The following ETFA variants were observed in gnomAD, a reference collection of about 807,000 sequenced individuals.
The protein encoded by ETFA is electron transfer flavoprotein subunit alpha, mitochondrial.
ETFA carries 22 observed loss-of-function variants against 46.2 expected under a neutral mutation model. The observed-to-expected ratio is 0.48, with a 90% CI of 0.34 to 0.68. The LOEUF (loss-of-function observed/expected upper bound fraction) is 0.68, where lower values mean the gene tolerates loss of function less well. ETFA is among the 30% of genes least tolerant of loss of function. The probability of loss-of-function intolerance (pLI) is 0.01; values close to 1 mark genes in which losing one functional copy is unlikely to be tolerated. For synonymous variants in ETFA, 131 were observed against 139.9 expected, an observed-to-expected ratio of 0.94 and a Z score of 0.45; for missense variants, 345 against 401.1, an observed-to-expected ratio of 0.86 and a Z score of 1.19.
chr15:76,266,802 G>A (rs1208768973), intron 9 of ETFA, among the ~76,000 whole-genome samples: 1 of 152,082 alleles, frequency 6.6e-6, no homozygotes, highest in Non-Finnish European at 1.5e-5. Context: ...TACTCAGGAG[G>A]CTGAGGCAAC....
At chr15:76,237,542 C>T (rs779175317) in intron 9 of ETFA, among the ~76,000 whole-genome samples, 6 of 152,182 alleles carry the variant, frequency 3.9e-5, no homozygotes, top group Admixed American at 1.3e-4. Flanking sequence ...TACCAATCTG[C>T]ATTCTTGAGC....
chr15:76,249,335 T>C (rs958245532), intron 9 of ETFA, among the ~76,000 whole-genome samples: 2 of 151,704 alleles, frequency 1.3e-5, no homozygotes, highest in Non-Finnish European at 2.9e-5. Flanking sequence ...TCCGTGTTGG[T>C]CAGGCTGCTC....
At chr15:76,277,376 C>T (rs2039603383) in intron 8 of ETFA, among the ~76,000 whole-genome samples, 1 of 152,136 alleles carries the variant, frequency 6.6e-6, no homozygotes, top group South Asian at 2.1e-4. Context: ...TTTCCCGTCC[C>T]CTTGTCGGAA....
chr15:76,246,288 TCA>T (rs1567202096), intron 9 of ETFA, among the ~76,000 whole-genome samples: 1 of 152,198 alleles, frequency 6.6e-6, no homozygotes, highest in African/African-American at 2.4e-5. Flanking sequence ...TTGTCCAAAG[TCA>T]CACAGCCAGC....
At chr15:76,225,040 T>A (rs1337547093) in intron 11 of ETFA, among the ~76,000 whole-genome samples, 1 of 152,000 alleles carries the variant, frequency 6.6e-6, no homozygotes, top group African/African-American at 2.4e-5. Flanking sequence ...ACTCGTCAGC[T>A]AAGGAAGGCC....
Position 76,215,731 on chromosome 15 carries a change from G to C in ETFA, c.*828C>G, listed in dbSNP as rs1437046550. ...TGCCAGAGGTGACTACACAGGCCTG[G>C]GTGCTTCCTAAGAGAGCCCAAAAGA... On this transcript the variant is annotated 3_prime_UTR_variant, in exon 12 of 12. Coordinates refer to ENST00000557943, the MANE Select transcript of ETFA (RefSeq NM_000126.4). 1 of 152,144 alleles carries C rather than the reference G, an allele frequency of 6.6e-6. No homozygotes were observed. Among genetic ancestry groups the C allele is most frequent in the Non-Finnish European group, 1.5e-5 (1 of 68,112 alleles). The allele number at this position is 152,144 out of a possible 1,614,324, so 9.4% of individuals were successfully genotyped here.
intron 10 of ETFA, among the ~76,000 whole-genome samples, chr15:76,226,989 G>A (rs1596188911): frequency 6.6e-6 from 1 of 152,188 alleles, no homozygotes; most frequent in Admixed American, 6.5e-5. Context: ...GTTAGTAAGG[G>A]ACGTTAAACA....
rs1183325320 is a variant in ETFA at position 76,288,081 on chromosome 15, G to A, written c.352-136C>T. On this transcript the variant is annotated intron_variant, in intron 4 of 11. Transcript: ENST00000557943. ...TATTTTATATTTCGTGTGCACCTTT[G>A]GATACACAACTTCAAGCACAGCTTT... The A allele has an allele frequency of 1.5e-5, 10 of 666,486 alleles. 1 individual carries two copies. The highest frequency in any genetic ancestry group is 4.8e-5 in the South Asian group (3 of 61,980). The allele number at this position is 666,486 out of a possible 1,614,324, so 41.3% of individuals were successfully genotyped here.
chr15:76,306,302 A>C (rs2456061), intron 1 of ETFA, among the ~76,000 whole-genome samples: 1 of 140,236 alleles, frequency 7.1e-6, no homozygotes, highest in Non-Finnish European at 1.5e-5. Flanking sequence ...AGTCTCGCTC[A>C]GTCGCCCAGA....
chr15:76,291,631 TC>T (rs2039764124), intron 4 of ETFA, among the ~76,000 whole-genome samples: 1 of 147,640 alleles, frequency 6.8e-6, no homozygotes, highest in Non-Finnish European at 1.5e-5. Context: ...GCGCCTGTAG[TC>T]CCAGCTACTC....
At chr15:76,279,410 G>A (rs1459639581) in intron 8 of ETFA, among the ~76,000 whole-genome samples, 3 of 152,064 alleles carry the variant, frequency 2.0e-5, no homozygotes, top group Non-Finnish European at 4.4e-5. Flanking sequence ...CCAAGCAGCT[G>A]GGACCACAGG....
At chr15:76,228,751 CTTTTTTT>C (rs990306452) in intron 10 of ETFA, 9 of 115,300 alleles carry the variant, frequency 7.8e-5, no homozygotes, top group South Asian at 2.7e-4. Flanking sequence ...ATTATTATTA[CTTTTTTT>C]TTTTTTTTTT....
intron 9 of ETFA, among the ~76,000 whole-genome samples, chr15:76,244,744 C>T (rs1225154002): frequency 1.3e-5 from 2 of 151,830 alleles, no homozygotes; most frequent in Non-Finnish European, 2.9e-5. Context: ...CACACCAACA[C>T]AGCTACGACA....
chr15:76,223,090 C>A (rs2038973182), intron 11 of ETFA, among the ~76,000 whole-genome samples: 1 of 152,126 alleles, frequency 6.6e-6, no homozygotes, highest in Non-Finnish European at 1.5e-5. Context: ...CTTTCCTCGG[C>A]CTTCCAAAGT....
At chr15:76,261,087 C>T (rs376627724) in intron 9 of ETFA, 308,392 of 1,478,174 alleles carry the variant, frequency 0.21, 66 homozygotes, top group Middle Eastern at 0.24. Flanking sequence ...GCATTTTAGG[C>T]TGTGAACTTC....
chr15:76,285,870 CTAAT>C (rs1408486743), intron 6 of ETFA, 132 bp from the exon 7 acceptor site: 13 of 679,636 alleles, frequency 1.9e-5, no homozygotes, highest in Middle Eastern at 3.2e-4. Flanking sequence ...TTCAGTGCTC[CTAAT>C]TAATTCTCTC....
chr15:76,254,718 A>G (rs117532656), intron 9 of ETFA, among the ~76,000 whole-genome samples: 1,895 of 152,226 alleles, frequency 0.012, 25 homozygotes, highest in Non-Finnish European at 0.015. Flanking sequence ...TCTGATGGCT[A>G]ATAGAATGTA....
intron 10 of ETFA, 175 bp from the exon 11 acceptor site, chr15:76,226,104 A>C (rs551359785): frequency 9.0e-5 from 53 of 591,688 alleles, no homozygotes; most frequent in Non-Finnish European, 6.9e-5. Flanking sequence ...GAATGTAATA[A>C]AATTCTCTCT....
chr15:76,225,864 A>AACTATTCCATAATCTGCC lies in ETFA; in HGVS notation c.930_947dup (p.Tyr313_Asp318dup). ...GCCAGCTTACCTTAAATAAATCTGC[A>AACTATTCCATAATCTGCC]ACTATTCCATAATCTGCCACTTGGA... is the stretch of plus-strand genomic sequence containing the variant. On this transcript the variant is annotated inframe_insertion, in exon 11 of 12. Transcript: ENST00000557943. The AACTATTCCATAATCTGCC allele has an allele frequency of 6.2e-7, 1 of 1,606,598 alleles. No homozygotes were observed. The highest frequency in any genetic ancestry group is 1.3e-5 in the African/African-American group (1 of 74,912).
Sources: gnomAD v4.1 joint callset for allele counts (sites outside exome capture counted in the v4.1 genomes callset) on GRCh38, gnomAD v4.1.1 for gene constraint, MANE v1.5 for transcripts, NCBI Gene and HGNC (gene_info 2026-07-23, HGNC 2026-07-21) for gene names.